RAB31: variants seen among roughly 807,000 people sequenced by gnomAD.
RAB31 encodes RAB31, member RAS oncogene family.
Under a neutral mutation model 25.6 loss-of-function variants are expected in RAB31, and 21 were observed. The observed-to-expected ratio is 0.82, with a 90% CI of 0.58 to 1.18. The LOEUF is 1.18. Among genes scored for constraint, RAB31 ranks in the 50% most tolerant of loss-of-function variants. RAB31 has a pLI of 0.00. For synonymous variants in RAB31, 87 were observed against 84.0 expected (o/e 1.04, Z -0.20); for missense variants, 196 against 250.1 (o/e 0.78, Z 1.46).
Position 9,815,190 on chromosome 18 carries a change from C to G in RAB31, c.348C>G (p.Ile116Met), listed in dbSNP as rs373817974. The change falls in exon 5 of 7, where the codon ATC becomes ATG. Residue 116 changes from isoleucine (I) to methionine (M), a missense_variant. By Grantham distance (10) the Ile-to-Met change is conservative (BLOSUM62 1). Coordinates refer to ENST00000578921, the MANE Select transcript of RAB31 (RefSeq NM_006868.4). ...EHGPENIVMA[I>M]AGNKCDLSDI... Reference sequence around the variant, plus strand: ...GTCCAGAAAACATTGTAATGGCCATCGCTGGAAACAAGTGCGACCTCTCAG... The same window carrying G: ...GTCCAGAAAACATTGTAATGGCCATGGCTGGAAACAAGTGCGACCTCTCAG... 1.2e-5 allele frequency: 19 copies of G among 1,556,132 alleles called. No individual in the cohort carries two copies. Among genetic ancestry groups the G allele is most frequent in the Non-Finnish European group, 1.6e-5 (18 of 1,148,552 alleles).
chr18:9,754,748 A>G (rs978609052), intron 1 of RAB31, among the ~76,000 whole-genome samples: 4 of 152,192 alleles, frequency 2.6e-5, no homozygotes, highest in Non-Finnish European at 5.9e-5. Context: ...GGACTTGAAC[A>G]TTCTCAGATT....
At chr18:9,717,871 T>C (rs924935388) in intron 1 of RAB31, among the ~76,000 whole-genome samples, 1 of 152,218 alleles carries the variant, frequency 6.6e-6, no homozygotes, top group African/African-American at 2.4e-5. Flanking sequence ...GCAAGGTTAA[T>C]TAAGAAAGTT....
chr18:9,802,984 G>A (rs2068521457), intron 3 of RAB31, among the ~76,000 whole-genome samples: 4 of 152,142 alleles, frequency 2.6e-5, no homozygotes, highest in African/African-American at 9.7e-5. Flanking sequence ...TTGAAGAATG[G>A]AGCCTCTTAC....
At chr18:9,856,720 G>A (rs933159469) in intron 6 of RAB31, among the ~76,000 whole-genome samples, 2 of 152,180 alleles carry the variant, frequency 1.3e-5, no homozygotes, top group East Asian at 3.9e-4. Context: ...TTATAGTACT[G>A]TCCAAAAATA....
intron 6 of RAB31, among the ~76,000 whole-genome samples, chr18:9,846,478 C>A (rs531559329): frequency 6.6e-6 from 1 of 152,178 alleles, no homozygotes; most frequent in African/African-American, 2.4e-5. Flanking sequence ...AAAGTTCGAC[C>A]GGAGCATTAT....
chr18:9,812,770 TCA>T (rs1477343375), intron 3 of RAB31, among the ~76,000 whole-genome samples: 2 of 138,680 alleles, frequency 1.4e-5, no homozygotes, highest in Admixed American at 8.0e-5. Context: ...CAATCTTAGC[TCA>T]CTGCAACCTC....
intron 5 of RAB31, among the ~76,000 whole-genome samples, chr18:9,845,288 C>T (rs2068755564): frequency 6.6e-6 from 1 of 152,186 alleles, no homozygotes; most frequent in South Asian, 2.1e-4. Context: ...GCTCTGAAAG[C>T]TGAAATGTGT....
At chr18:9,824,746 C>T (rs2068641769) in intron 5 of RAB31, among the ~76,000 whole-genome samples, 2 of 152,216 alleles carry the variant, frequency 1.3e-5, no homozygotes, top group African/African-American at 4.8e-5. Context: ...GTCAGGTACA[C>T]TCAGGATTTT....
intron 1 of RAB31, among the ~76,000 whole-genome samples, chr18:9,751,942 C>T (rs746722815): frequency 4.6e-5 from 7 of 152,236 alleles, no homozygotes; most frequent in Non-Finnish European, 1.0e-4. Flanking sequence ...GGCAGGAACA[C>T]AGCTGGGCCC....
intron 6 of RAB31, among the ~76,000 whole-genome samples, chr18:9,854,944 A>C (rs1272218067): frequency 6.6e-6 from 1 of 152,262 alleles, no homozygotes; most frequent in Non-Finnish European, 1.5e-5. Flanking sequence ...GCTAACACCA[A>C]ACAAAAGATA....
rs1406831655 is a variant in RAB31 at position 9,766,148 on chromosome 18, T to A, written c.40-9130T>A. The stretch of plus-strand genomic sequence containing the variant: ...CTTCTGCTCTGAGTTGACCCTGGTT[T>A]TGGGGCTGTAGAAAGGGGAGGAGTA... On this transcript the variant is annotated intron_variant, in intron 1 of 6. Transcript: ENST00000578921. This position sits in a 1 kb window ranked among gnomAD's most constrained non-coding sequence, Gnocchi z 4.3. Among the ~76,000 whole-genome samples, 3 of 152,104 alleles carry A rather than the reference T, an allele frequency of 2.0e-5. No homozygotes were observed. The highest frequency in any genetic ancestry group is 4.4e-5 in the Non-Finnish European group (3 of 68,000).
chr18:9,774,947 ACTT>A, intron 1 of RAB31: 1 of 527,750 alleles, frequency 1.9e-6, no homozygotes, highest in Non-Finnish European at 3.7e-6. Flanking sequence ...ATGTTCACGT[ACTT>A]CTTCTCTAGA....
chr18:9,750,111 G>A (rs1174767305), intron 1 of RAB31, among the ~76,000 whole-genome samples: 1 of 152,176 alleles, frequency 6.6e-6, no homozygotes, highest in Non-Finnish European at 1.5e-5. Context: ...TTGTGACTCT[G>A]TGGAGGCGTG....
At chr18:9,711,166 T>C (rs1461369162) in intron 1 of RAB31, among the ~76,000 whole-genome samples, 2 of 148,008 alleles carry the variant, frequency 1.4e-5, no homozygotes, top group Non-Finnish European at 3.0e-5. Flanking sequence ...TTCGGTTTAC[T>C]CTCTTCTCTC....
rs183185030 is a variant in RAB31 at position 9,712,609 on chromosome 18, G to C, written c.39+4165G>C. On this transcript the variant is annotated intron_variant, in intron 1 of 6. Coordinates refer to ENST00000578921, the MANE Select transcript of RAB31 (RefSeq NM_006868.4). ...ACCCCAAAGGTGGAAAAGTTTCCCA[G>C]TATGCATTTTTAACACACATCACCA... is the stretch of plus-strand genomic sequence containing the variant. 2.8e-3 allele frequency among the ~76,000 whole-genome samples: 434 copies of C among 152,352 alleles called. 2 individuals carry two copies. Among genetic ancestry groups the C allele is most frequent in the Non-Finnish European group, 3.6e-3 (244 of 68,044 alleles).
chr18:9,805,770 C>G (rs879632794), intron 3 of RAB31, among the ~76,000 whole-genome samples: 2 of 152,170 alleles, frequency 1.3e-5, no homozygotes, highest in Non-Finnish European at 2.9e-5. Flanking sequence ...AAACCTGTGT[C>G]TTAATTATAT....
chr18:9,747,312 GA>G (rs2145476267), intron 1 of RAB31, among the ~76,000 whole-genome samples: 1 of 152,276 alleles, frequency 6.6e-6, no homozygotes, highest in East Asian at 1.9e-4. Flanking sequence ...AGTCTCTGTG[GA>G]AAACAGTGCT....
chr18:9,776,985 T>G (rs2145491720), intron 2 of RAB31, among the ~76,000 whole-genome samples: 1 of 152,184 alleles, frequency 6.6e-6, no homozygotes, highest in East Asian at 1.9e-4. Flanking sequence ...ATTTCAGATT[T>G]TGGAATTTCA....
intron 3 of RAB31, among the ~76,000 whole-genome samples, chr18:9,810,308 T>C (rs76345880): frequency 1.3e-5 from 2 of 152,380 alleles, no homozygotes; most frequent in East Asian, 3.8e-4. Flanking sequence ...AATCTTTTTA[T>C]GTGAGCATTC....
Sources: allele counts gnomAD v4.1 joint callset (sites outside exome capture counted in the v4.1 genomes callset), GRCh38; gene constraint gnomAD v4.1.1; non-coding constraint Gnocchi (gnomAD v3.1); transcripts MANE v1.5; gene names NCBI Gene and HGNC (gene_info 2026-07-23, HGNC 2026-07-21).